Variants in GUCY2F observed in about 807,000 individuals in gnomAD.
GUCY2F encodes guanylate cyclase 2F, retinal, also known as retinal guanylyl cyclase 2.
Under a neutral mutation model 73.1 loss-of-function variants are expected in GUCY2F, and 61 were observed. That is an observed-to-expected ratio of 0.83 (90% CI 0.68 to 1.03). GUCY2F has a LOEUF of 1.03. GUCY2F is among the 50% of genes least tolerant of loss of function. The pLI, the probability that GUCY2F is intolerant of heterozygous loss-of-function variation, is 0.00. For missense variants in GUCY2F, 912 were observed against 854.3 expected (o/e 1.07, Z -0.84); for synonymous variants, 331 against 307.8 (o/e 1.08, Z -0.79).
chrX:109,447,777 A>AAAAT (rs760394138), intron 6 of GUCY2F, among the ~76,000 whole-genome samples: 1 of 111,403 alleles, frequency 9.0e-6, no homozygotes, highest in Admixed American at 9.5e-5. Flanking sequence ...AGTATAATAA[A>AAAAT]AAATAAATAA....
chrX:109,412,737 A>C (rs1417032385), intron 8 of GUCY2F, among the ~76,000 whole-genome samples: 2 of 112,433 alleles, frequency 1.8e-5, no homozygotes, highest in East Asian at 5.5e-4. Flanking sequence ...ATATGACTGA[A>C]TTCCAAGCAA....
intron 5 of GUCY2F, 128 bp downstream of exon 5, chrX:109,451,895 T>C (rs1932141839): frequency 8.6e-6 from 4 of 465,261 alleles, no homozygotes; most frequent in Non-Finnish European, 1.5e-5. Context: ...TAAACCACTG[T>C]GGAAAAAAGA....
In GUCY2F at chrX:109,452,089, G is replaced by T; in HGVS notation, c.1406C>A (p.Ala469Asp). ...ICHGGIDPAF[A>D]MMVCLTLLIA... ...AAGCAAAGTAAGGCAGACCATCATG[G>T]CAAAGGCAGGGTCGATGCCTGCAGA... Residue 469 changes from alanine to aspartate, a missense_variant, in exon 5 of 20, where the codon GCC (alanine) becomes GAC (aspartate). Coordinates refer to ENST00000218006, the MANE Select transcript of GUCY2F (RefSeq NM_001522.3). 1 of 1,108,829 alleles carries T rather than the reference G, an allele frequency of 9.0e-7. No individual in the cohort carries two copies. The highest frequency in any genetic ancestry group is 1.2e-6 in the Non-Finnish European group (1 of 801,796). 91.4% of individuals were successfully genotyped at this position (1,108,829 alleles called of 1,213,427 possible).
chrX:109,443,569 A>T (rs897265206), intron 6 of GUCY2F, among the ~76,000 whole-genome samples: 1 of 111,869 alleles, frequency 8.9e-6, no homozygotes, highest in South Asian at 3.7e-4. Flanking sequence ...TAATTTTGTG[A>T]GGCCTGGTAT....
chrX:109,439,210 CA>C (rs1931817322), intron 7 of GUCY2F, among the ~76,000 whole-genome samples: 1 of 111,774 alleles, frequency 8.9e-6, no homozygotes. Context: ...GAGTCAGCCC[CA>C]GGCAACAAGC....
intron 14 of GUCY2F, among the ~76,000 whole-genome samples, chrX:109,390,834 C>G (rs1291409869): frequency 4.4e-5 from 5 of 112,837 alleles, no homozygotes; most frequent in Non-Finnish European, 7.5e-5. Flanking sequence ...GCAGCTCCTG[C>G]TGATTGACAG....
intron 14 of GUCY2F, among the ~76,000 whole-genome samples, chrX:109,391,314 A>T (rs918666313): frequency 5.4e-5 from 6 of 111,495 alleles, no homozygotes; most frequent in African/African-American, 9.8e-5. Context: ...TTGCCACCCC[A>T]CAATTAATCA....
Position 109,409,013 on chromosome X carries a change from T to C in GUCY2F, c.1947A>G (p.Ser649=). The change falls in exon 9 of 20, where the codon TCA becomes TCG. Residue 649 remains serine (S), a synonymous_variant. Transcript: ENST00000218006. ...DVKLDWMFKS[S]LLLDLIKGMK... is the part of the protein sequence containing the mutation. The stretch of plus-strand genomic sequence containing the variant: ...TAACCTTTATGAGATCCAGCAAGAG[T>C]GATGATTTAAACATCCAGTCAAGTT... 8.7e-7 allele frequency: 1 copy of C among 1,143,389 alleles called. No homozygotes were observed. Among genetic ancestry groups the C allele is most frequent in the Non-Finnish European group, 1.2e-6 (1 of 834,077 alleles). 94.2% of individuals were successfully genotyped at this position (1,143,389 alleles called of 1,213,427 possible).
At chrX:109,453,095 C>T (rs1008621897) in intron 4 of GUCY2F, among the ~76,000 whole-genome samples, 2 of 111,458 alleles carry the variant, frequency 1.8e-5, no homozygotes, top group African/African-American at 6.5e-5. Context: ...AGTATAGGTA[C>T]GGTATTTCTG....
chrX:109,404,742 C>G (rs1420263830), intron 9 of GUCY2F, among the ~76,000 whole-genome samples: 1 of 111,914 alleles, frequency 8.9e-6, no homozygotes, highest in Non-Finnish European at 1.9e-5. Context: ...ATTAACATTT[C>G]AGATACAGAA....
chrX:109,387,300 C>A (rs1930459788), intron 15 of GUCY2F, among the ~76,000 whole-genome samples: 1 of 112,006 alleles, frequency 8.9e-6, no homozygotes, highest in Non-Finnish European at 1.9e-5. Context: ...GAATGACTCT[C>A]AAGACTAACT....
At chrX:109,426,624 T>C (rs558186) in intron 8 of GUCY2F, among the ~76,000 whole-genome samples, 30,439 of 110,620 alleles carry the variant, frequency 0.28, 4,140 homozygotes, top group East Asian at 0.81. Context: ...CTCCTGACCT[T>C]GTGATCCGCC....
chrX:109,473,878 A>C (rs1007223166), intron 2 of GUCY2F, among the ~76,000 whole-genome samples: 1 of 112,552 alleles, frequency 8.9e-6, no homozygotes, highest in Non-Finnish European at 1.9e-5. Flanking sequence ...TAAATATATT[A>C]GCCTGTTTCT....
At chrX:109,402,529 C>A (rs912597304) in intron 10 of GUCY2F, among the ~76,000 whole-genome samples, 1 of 110,709 alleles carries the variant, frequency 9.0e-6, no homozygotes, top group Non-Finnish European at 1.9e-5. Flanking sequence ...CGCGCCACCA[C>A]GCCCAGCTAA....
chrX:109,478,481 T>C (rs1045720864), intron 1 of GUCY2F, among the ~76,000 whole-genome samples: 1 of 112,516 alleles, frequency 8.9e-6, no homozygotes, highest in Non-Finnish European at 1.9e-5. Context: ...GACAGCTCTA[T>C]ATGGGAAACA....
chrX:109,443,335 C>T (rs1340932569), intron 6 of GUCY2F, among the ~76,000 whole-genome samples: 1 of 111,005 alleles, frequency 9.0e-6, no homozygotes, highest in Admixed American at 9.6e-5. Context: ...AAAGAACATT[C>T]CCTACTATAA....
chrX:109,382,293 T>G (rs1930336372), intron 16 of GUCY2F, 81 bp from the exon 17 acceptor site: 1 of 570,585 alleles, frequency 1.8e-6, no homozygotes, highest in South Asian at 2.6e-5. Context: ...AATAAATGTC[T>G]TCACTTGTAA....
intron 11 of GUCY2F, among the ~76,000 whole-genome samples, chrX:109,396,891 T>A (rs938387136): frequency 1.8e-4 from 20 of 112,431 alleles, no homozygotes; most frequent in African/African-American, 5.8e-4. Flanking sequence ...ATCCATTCTC[T>A]GGCAGATGAA....
At chrX:109,394,745 T>C (rs1207358436) in intron 12 of GUCY2F, among the ~76,000 whole-genome samples, 1 of 112,167 alleles carries the variant, frequency 8.9e-6, no homozygotes, top group Non-Finnish European at 1.9e-5. Context: ...TCACCCCCTT[T>C]AGAAATTCAG....
Sources: gnomAD v4.1 joint callset for allele counts (sites outside exome capture counted in the v4.1 genomes callset) on GRCh38, gnomAD v4.1.1 for gene constraint, MANE v1.5 for transcripts, NCBI Gene and HGNC (gene_info 2026-07-23, HGNC 2026-07-21) for gene names.